ST18: variants seen among roughly 807,000 people sequenced by gnomAD.
The protein encoded by ST18 is suppression of tumorigenicity 18 protein.
Under a neutral mutation model 110.0 loss-of-function variants are expected in ST18, and 50 were observed. That is an observed-to-expected ratio of 0.45 (90% CI 0.36 to 0.58). ST18 has a LOEUF of 0.58. Ranked by LOEUF, ST18 falls within the 20% of genes least tolerant of loss-of-function variation. ST18 has a pLI of 0.00. For missense variants in ST18, 1,306 were observed against 1,280.1 expected, an observed-to-expected ratio of 1.02 and a Z score of -0.31; for synonymous variants, 461 against 452.4, an observed-to-expected ratio of 1.02 and a Z score of -0.24.
chr8:52,249,111 T>A (rs2094088145), intron 2 of ST18, among the ~76,000 whole-genome samples: 1 of 152,186 alleles, frequency 6.6e-6, no homozygotes, highest in Non-Finnish European at 1.5e-5. Context: ...AGCCTACCTC[T>A]CAAATTCAAG....
Position 52,158,954 on chromosome 8 carries a change from G to C in ST18, c.1750C>G (p.Arg584Gly), listed in dbSNP as rs776537308. 2 of 1,614,044 alleles carry C rather than the reference G, an allele frequency of 1.2e-6. No individual in the cohort carries two copies. The highest frequency in any genetic ancestry group is 2.2e-5 in the East Asian group (1 of 44,886). The change falls in exon 15 of 26, where the codon CGC becomes GGC. Residue 584 changes from arginine (R) to glycine (G), a missense_variant. Arg to Gly is a moderately radical substitution (Grantham distance 125). Coordinates refer to ENST00000689386, the MANE Select transcript of ST18 (RefSeq NM_001352837.2). ...AAAAILNLST[R>G]CREATDILSN... ...AGGATGTCTGTGGCTTCCCTGCAGC[G>C]GGTGGAAAGGTTCAGGATGGCAGCA...
At position 52,159,076 on chromosome 8, in the gene ST18, T is replaced by C; in HGVS notation, c.1628A>G (p.Asn543Ser). ...GTGGGCGCCTGCACTAGGCAGTCGA[T>C]TAGGAAATTTCACTGGATTTGGAAA... ...KHFPNPVKFP[N>S]RLPSAGAHTQ... The change falls in exon 15 of 26, where the codon AAT (asparagine) becomes AGT (serine). Residue 543 changes from asparagine to serine, a missense_variant. Transcript: ENST00000689386. The C allele has an allele frequency of 6.2e-7, 1 of 1,614,058 alleles. No individual in the cohort carries two copies. Among genetic ancestry groups the C allele is most frequent in the Non-Finnish European group, 8.5e-7 (1 of 1,180,010 alleles).
rs188824917 is a variant in ST18 at position 52,324,531 on chromosome 8, C to T, written c.-465+84797G>A. ...GACAAGGCTCTCCAGGTGGAAGGAA[C>T]CATGTAGGCAGATGCACGGCAATGG... On this transcript the variant is annotated intron_variant, in intron 2 of 25. Coordinates refer to ENST00000689386, the MANE Select transcript of ST18 (RefSeq NM_001352837.2). Among the ~76,000 whole-genome samples the T allele has an allele frequency of 2.5e-3, 376 of 152,192 alleles. 1 individual carries two copies. The highest frequency in any genetic ancestry group is 0.014 in the Middle Eastern group (4 of 294).
chr8:52,269,567 T>A (rs1169199473), intron 2 of ST18, among the ~76,000 whole-genome samples: 1 of 152,102 alleles, frequency 6.6e-6, no homozygotes. Flanking sequence ...AGAAGCCACA[T>A]GTTGGAGTGG....
chr8:52,164,137 A>G (rs1029983051), intron 12 of ST18, 47 bp from the exon 13 acceptor site: 3 of 1,540,606 alleles, frequency 1.9e-6, no homozygotes, highest in Non-Finnish European at 2.7e-6. Context: ...AAATGATAAT[A>G]TGATTTGTTT....
chr8:52,376,505 C>A (rs1204180341), intron 2 of ST18, among the ~76,000 whole-genome samples: 2 of 152,218 alleles, frequency 1.3e-5, no homozygotes, highest in East Asian at 1.9e-4. Context: ...TTCTCACTCA[C>A]CCCCAGGGTT....
chr8:52,306,028 C>A (rs562665768), intron 2 of ST18, among the ~76,000 whole-genome samples: 1 of 152,332 alleles, frequency 6.6e-6, no homozygotes, highest in East Asian at 1.9e-4. Context: ...TGTGGCCTGA[C>A]GTCCTCCCCT....
chr8:52,373,997 A>C (rs1298242229), intron 2 of ST18, among the ~76,000 whole-genome samples: 1 of 151,858 alleles, frequency 6.6e-6, no homozygotes, highest in Non-Finnish European at 1.5e-5. Flanking sequence ...TCTGTTTCTC[A>C]ATTCTCTAAT....
At chr8:52,241,446 A>G (rs1014882421) in intron 2 of ST18, among the ~76,000 whole-genome samples, 4 of 152,250 alleles carry the variant, frequency 2.6e-5, no homozygotes, top group Admixed American at 1.3e-4. Context: ...GCTGAGTAGT[A>G]TAGTGAAACT....
At chr8:52,192,573 C>T (rs753500087) in intron 8 of ST18, among the ~76,000 whole-genome samples, 8 of 152,194 alleles carry the variant, frequency 5.3e-5, no homozygotes, top group African/African-American at 1.4e-4. Flanking sequence ...CTAGCTTGGA[C>T]GTGACACCTA....
intron 3 of ST18, among the ~76,000 whole-genome samples, chr8:52,228,399 T>G (rs2090231643): frequency 6.6e-6 from 1 of 152,214 alleles, no homozygotes; most frequent in Non-Finnish European, 1.5e-5. Context: ...TTCACTTTTC[T>G]CACTTACATT....
chr8:52,394,565 T>G (rs371661760), intron 2 of ST18, among the ~76,000 whole-genome samples: 21 of 152,332 alleles, frequency 1.4e-4, no homozygotes, highest in African/African-American at 5.0e-4. Context: ...AGATTTATTT[T>G]TATCCTAGTA....
chr8:52,315,184 G>C (rs1161759265), intron 2 of ST18, among the ~76,000 whole-genome samples: 1 of 152,142 alleles, frequency 6.6e-6, no homozygotes, highest in Admixed American at 6.5e-5. Flanking sequence ...CCCTTGTATA[G>C]AAACAAAACT....
chr8:52,151,376 T>A (rs1377947223), intron 15 of ST18, among the ~76,000 whole-genome samples: 3 of 152,236 alleles, frequency 2.0e-5, no homozygotes, highest in Admixed American at 1.3e-4. Flanking sequence ...GTAAATACGC[T>A]TCTAATATGT....
Position 52,191,490 on chromosome 8 carries a change from G to A in ST18, c.87-11178C>T, listed in dbSNP as rs116456195. ...TGGGAACAAGCAAGCCATATGAGCAGGCAGCCCAGACCTGTGACATCCACC... is the reference window on the plus strand; with the variant it reads ...TGGGAACAAGCAAGCCATATGAGCAAGCAGCCCAGACCTGTGACATCCACC... On this transcript the variant is annotated intron_variant, in intron 8 of 25. Coordinates refer to ENST00000689386, the MANE Select transcript of ST18 (RefSeq NM_001352837.2). 5.7e-3 allele frequency among the ~76,000 whole-genome samples: 869 copies of A among 152,298 alleles called. 8 individuals carry two copies. Among genetic ancestry groups the A allele is most frequent in the African/African-American group, 0.02 (820 of 41,574 alleles).
At chr8:52,124,935 C>T (rs2046425131) in intron 23 of ST18, among the ~76,000 whole-genome samples, 1 of 152,166 alleles carries the variant, frequency 6.6e-6, no homozygotes, top group Admixed American at 6.5e-5. Flanking sequence ...TTGAGCAATG[C>T]TTTCAGGGAA....
At chr8:52,193,563 C>T (rs2075262378) in intron 8 of ST18, among the ~76,000 whole-genome samples, 1 of 152,076 alleles carries the variant, frequency 6.6e-6, no homozygotes, top group Non-Finnish European at 1.5e-5. Context: ...TCCCTCACAT[C>T]TGACAGGTAC....
intron 2 of ST18, among the ~76,000 whole-genome samples, chr8:52,263,727 G>A (rs1307401381): frequency 7.0e-6 from 1 of 143,460 alleles, no homozygotes; most frequent in Non-Finnish European, 1.5e-5. Context: ...TTACAGGTGT[G>A]AGTCACAGTG....
chr8:52,388,205 A>G (rs1837657133), intron 2 of ST18, among the ~76,000 whole-genome samples: 1 of 152,164 alleles, frequency 6.6e-6, no homozygotes, highest in Non-Finnish European at 1.5e-5. Flanking sequence ...ATCTGTGAGA[A>G]ACACTGGGCG....
Sources: gnomAD v4.1 joint callset for allele counts (sites outside exome capture counted in the v4.1 genomes callset) on GRCh38, gnomAD v4.1.1 for gene constraint, MANE v1.5 for transcripts, NCBI Gene and HGNC (gene_info 2026-07-23, HGNC 2026-07-21) for gene names.